Variants in ZC3H12B observed in about 807,000 individuals in gnomAD.
The protein encoded by ZC3H12B is zinc finger CCCH-type containing 12B, also known as probable ribonuclease ZC3H12B.
ZC3H12B carries 7 observed loss-of-function variants against 43.9 expected under a neutral mutation model. That is an observed-to-expected ratio of 0.16 (90% confidence interval 0.09 to 0.30). The LOEUF is 0.30. ZC3H12B is among the 10% of genes least tolerant of loss of function. The pLI is 1.00. For missense variants in ZC3H12B, 475 were observed against 670.2 expected (o/e 0.71, Z 3.22); for synonymous variants, 222 against 241.7 (o/e 0.92, Z 0.76).
chrX:65,240,154 A>T, the ZC3H12B span, among the ~76,000 whole-genome samples: 1 of 111,720 alleles, frequency 9.0e-6, no homozygotes, highest in African/African-American at 3.3e-5. Context: ...CCTGGATGAT[A>T]TCCTGTAGTA....
the ZC3H12B span, among the ~76,000 whole-genome samples, chrX:65,083,333 C>T: frequency 9.0e-6 from 1 of 111,569 alleles, no homozygotes; most frequent in Non-Finnish European, 1.9e-5. Flanking sequence ...TCCTTGTTTG[C>T]AGATATGATC....
At chrX:65,321,191 G>A in the ZC3H12B span, among the ~76,000 whole-genome samples, 2 of 100,783 alleles carry the variant, frequency 2.0e-5, no homozygotes, top group Non-Finnish European at 3.8e-5. Flanking sequence ...TTAAACGGAT[G>A]TACAACAAAA....
chrX:65,349,604 G>C, the ZC3H12B span, among the ~76,000 whole-genome samples: 11 of 111,021 alleles, frequency 9.9e-5, no homozygotes, highest in African/African-American at 3.6e-4. Flanking sequence ...CAACAAAATA[G>C]ATAGCCAGAC....
the ZC3H12B span, among the ~76,000 whole-genome samples, chrX:65,308,949 A>C: frequency 1.8e-5 from 2 of 112,114 alleles, no homozygotes; most frequent in Non-Finnish European, 3.8e-5. Context: ...ATGAGAACAA[A>C]CATACAACGT....
At chrX:65,264,144 T>C in the ZC3H12B span, among the ~76,000 whole-genome samples, 1 of 111,358 alleles carries the variant, frequency 9.0e-6, no homozygotes, top group Non-Finnish European at 1.9e-5. Flanking sequence ...TAATGAATAT[T>C]GGCAACTCAG....
the ZC3H12B span, among the ~76,000 whole-genome samples, chrX:65,351,396 C>T: frequency 1.5e-4 from 17 of 112,156 alleles, no homozygotes; most frequent in Admixed American, 1.4e-3. Context: ...CCATTCAGGA[C>T]ATAGGCATGG....
At chrX:65,450,771 A>G (rs866875378) in intron 3 of ZC3H12B, among the ~76,000 whole-genome samples, 1 of 63,982 alleles carries the variant, frequency 1.6e-5, no homozygotes, top group Admixed American at 1.9e-4. Flanking sequence ...ATGTATATGT[A>G]TACATATGTG....
At position 65,419,099 on chromosome X, in the gene ZC3H12B, C is replaced by T. The variant is rs371878770; in HGVS notation, n.407+20395C>T. On this transcript the variant is annotated intron_variant and non_coding_transcript_variant, in intron 3 of 5. Transcript: ENST00000617377. Reference sequence around the variant, plus strand: ...GCTCAGGTTCATCTCTTGGTGGGCCCGTGGGTCCCCAAAACCATCCTGTGA... The same window carrying T: ...GCTCAGGTTCATCTCTTGGTGGGCCTGTGGGTCCCCAAAACCATCCTGTGA... Among the ~76,000 whole-genome samples the T allele has an allele frequency of 6.3e-5, 7 of 110,674 alleles. No homozygotes were observed. The East Asian group carries it at 1.7e-3, about 27-fold the overall frequency.
the ZC3H12B span, among the ~76,000 whole-genome samples, chrX:65,138,022 G>T: frequency 3.6e-5 from 4 of 111,538 alleles, no homozygotes; most frequent in African/African-American, 6.5e-5. Context: ...TAGAGACAGA[G>T]TTTCACCATG....
chrX:65,142,023 A>T, the ZC3H12B span, among the ~76,000 whole-genome samples: 2 of 112,299 alleles, frequency 1.8e-5, no homozygotes, highest in African/African-American at 3.2e-5. Flanking sequence ...CTCTGGGCAG[A>T]TACCCAGTAG....
the ZC3H12B span, among the ~76,000 whole-genome samples, chrX:65,214,905 G>C: frequency 5.5e-4 from 61 of 111,387 alleles, no homozygotes; most frequent in African/African-American, 1.8e-3. Flanking sequence ...TTGCAGAATG[G>C]ATGTTGTGTT....
At chrX:65,173,785 G>A in the ZC3H12B span, among the ~76,000 whole-genome samples, 2 of 111,681 alleles carry the variant, frequency 1.8e-5, no homozygotes, top group Non-Finnish European at 3.8e-5. Flanking sequence ...CTTGATTGTG[G>A]TGGATAAGCT....
the ZC3H12B span, among the ~76,000 whole-genome samples, chrX:65,202,124 AAT>A: frequency 4.6e-5 from 4 of 87,825 alleles, no homozygotes; most frequent in Non-Finnish European, 8.2e-5. Context: ...TATTATATGT[AAT>A]ATATATATTT....
At chrX:65,325,727 T>TA in the ZC3H12B span, among the ~76,000 whole-genome samples, 1 of 111,425 alleles carries the variant, frequency 9.0e-6, no homozygotes, top group South Asian at 3.7e-4. Flanking sequence ...CTTAAAAATA[T>TA]AAAAAAATCC....
the ZC3H12B span, among the ~76,000 whole-genome samples, chrX:65,315,127 T>C: frequency 9.0e-6 from 1 of 111,492 alleles, no homozygotes; most frequent in African/African-American, 3.2e-5. Flanking sequence ...ATGGCAGCTC[T>C]AAATTCAGAT....
the ZC3H12B span, among the ~76,000 whole-genome samples, chrX:65,210,002 G>T: frequency 5.8e-5 from 4 of 69,337 alleles, no homozygotes; most frequent in Non-Finnish European, 6.6e-5. Context: ...CAAGACATAG[G>T]CGTGGGCAAG....
the ZC3H12B span, among the ~76,000 whole-genome samples, chrX:65,151,667 G>T: frequency 6.3e-5 from 7 of 111,399 alleles, no homozygotes; most frequent in Non-Finnish European, 1.3e-4. Context: ...CGAGGGACTT[G>T]TACCATTCCT....
chrX:65,162,794 G>A, the ZC3H12B span, among the ~76,000 whole-genome samples: 1 of 112,441 alleles, frequency 8.9e-6, no homozygotes. Flanking sequence ...GTCCAGCTTT[G>A]CTCCTTTGCT....
chrX:65,340,120 C>A, the ZC3H12B span, among the ~76,000 whole-genome samples: 1 of 111,769 alleles, frequency 8.9e-6, no homozygotes, highest in Admixed American at 9.4e-5. Context: ...GAACAGTGAA[C>A]CTTCCCTCAC....
Sources: gnomAD v4.1 joint callset for allele counts (sites outside exome capture counted in the v4.1 genomes callset) on GRCh38, gnomAD v4.1.1 for gene constraint, MANE v1.5 for transcripts, NCBI Gene and HGNC (gene_info 2026-07-23, HGNC 2026-07-21) for gene names.